Variants in EPHX2 observed in about 807,000 individuals in gnomAD.
The protein encoded by EPHX2 is epoxide hydrolase 2.
Under a neutral mutation model 78.7 loss-of-function variants are expected in EPHX2, and 74 were observed. That is an observed-to-expected ratio of 0.94 (90% CI 0.78 to 1.14). EPHX2 has a LOEUF of 1.14. Among genes scored for constraint, EPHX2 ranks in the 50% most tolerant of loss-of-function variants. EPHX2 has a pLI of 0.00. For synonymous variants in EPHX2, 251 were observed against 255.2 expected, an observed-to-expected ratio of 0.98 and a Z score of 0.16; for missense variants, 715 against 702.5, an observed-to-expected ratio of 1.02 and a Z score of -0.20.
intron 12 of EPHX2, among the ~76,000 whole-genome samples, chr8:27,526,761 T>A (rs1415293738): frequency 1.3e-5 from 2 of 151,916 alleles, no homozygotes; most frequent in Non-Finnish European, 2.9e-5. Context: ...TAAAAAAAAT[T>A]TTTTTTGAGA....
intron 9 of EPHX2, among the ~76,000 whole-genome samples, chr8:27,518,529 A>G (rs571988197): frequency 5.9e-5 from 9 of 152,350 alleles, no homozygotes; most frequent in African/African-American, 2.2e-4. Context: ...CCCTCACTTC[A>G]GTGCTGGCAG....
chr8:27,527,691 G>A (rs1814897021), intron 12 of EPHX2, among the ~76,000 whole-genome samples: 1 of 152,142 alleles, frequency 6.6e-6, no homozygotes, highest in South Asian at 2.1e-4. Flanking sequence ...ATGCTTTCAA[G>A]GTTCACCCAT....
chr8:27,512,348 G>A (rs1201697362), intron 6 of EPHX2, among the ~76,000 whole-genome samples: 1 of 152,196 alleles, frequency 6.6e-6, no homozygotes, highest in Non-Finnish European at 1.5e-5. Flanking sequence ...CTGTGTTGGA[G>A]GAGAGCATGT....
At chr8:27,528,899 G>A (rs527879338) in intron 12 of EPHX2, among the ~76,000 whole-genome samples, 48 of 152,262 alleles carry the variant, frequency 3.2e-4, no homozygotes, top group Non-Finnish European at 4.9e-4. Context: ...AGGTTCAAGC[G>A]ATTCTCCTGC....
At chr8:27,515,640 C>A (rs1443419185) in intron 6 of EPHX2, 78 bp from the exon 7 acceptor site, 4 of 1,205,878 alleles carry the variant, frequency 3.3e-6, no homozygotes, top group Non-Finnish European at 4.8e-6. Flanking sequence ...ACGGCCCTGG[C>A]ATTCTGCAGA....
At chr8:27,542,808 A>T (rs1303921616) in intron 16 of EPHX2, among the ~76,000 whole-genome samples, 1 of 151,876 alleles carries the variant, frequency 6.6e-6, no homozygotes, top group Admixed American at 6.6e-5. Context: ...CACCCAGCGA[A>T]TTTTTTGTGT....
intron 12 of EPHX2, among the ~76,000 whole-genome samples, chr8:27,530,104 T>C (rs1331550709): frequency 6.6e-6 from 1 of 151,282 alleles, no homozygotes; most frequent in Non-Finnish European, 1.5e-5. Flanking sequence ...CAGGCTGGTC[T>C]CTAAGTCCTG....
At chr8:27,531,276 C>T (rs559781983) in intron 12 of EPHX2, among the ~76,000 whole-genome samples, 1 of 152,334 alleles carries the variant, frequency 6.6e-6, no homozygotes, top group East Asian at 1.9e-4. Flanking sequence ...GGCCTCACAG[C>T]TCAGGGCTGT....
chr8:27,501,324 T>TTTCCTCTTCTTCTTC (rs1813761764), intron 2 of EPHX2, among the ~76,000 whole-genome samples: 2 of 102,914 alleles, frequency 1.9e-5, no homozygotes, highest in Admixed American at 1.1e-4. Context: ...TGCTATATAT[T>TTTCCTCTTCTTCTTC]TTCTTCTTCT....
At position 27,544,547 on chromosome 8, in the gene EPHX2, C is replaced by T; in HGVS notation, c.*25C>T. The T allele has an allele frequency of 6.2e-7, 1 of 1,611,992 alleles. No homozygotes were observed. The highest frequency in any genetic ancestry group is 2.2e-5 in the East Asian group (1 of 44,874). On this transcript the variant is annotated 3_prime_UTR_variant, in exon 19 of 19. Coordinates refer to ENST00000521400, the MANE Select transcript of EPHX2 (RefSeq NM_001979.6). ...GAACGCAGCGTGTGCCCACGCTCAGCAGGTGTGCCATCCTTCCACCTGCTG... is the reference window on the plus strand; with the variant it reads ...GAACGCAGCGTGTGCCCACGCTCAGTAGGTGTGCCATCCTTCCACCTGCTG...
intron 13 of EPHX2, among the ~76,000 whole-genome samples, chr8:27,537,200 T>C (rs1039497515): frequency 6.6e-6 from 1 of 152,226 alleles, no homozygotes; most frequent in Non-Finnish European, 1.5e-5. Flanking sequence ...TGCACCCTCC[T>C]GTCTTAGGTG....
intron 1 of EPHX2, among the ~76,000 whole-genome samples, chr8:27,498,840 A>T (rs1241042463): frequency 6.6e-6 from 1 of 152,224 alleles, no homozygotes; most frequent in African/African-American, 2.4e-5. Flanking sequence ...ACTGCAAATC[A>T]TTGAATTGTC....
At chr8:27,514,951 A>G (rs543264150) in intron 6 of EPHX2, among the ~76,000 whole-genome samples, 1 of 152,292 alleles carries the variant, frequency 6.6e-6, no homozygotes, top group East Asian at 1.9e-4. Flanking sequence ...AACAGATTTC[A>G]TATTTAAGAA....
At chr8:27,502,662 CAG>C (rs567318501) in intron 2 of EPHX2, among the ~76,000 whole-genome samples, 132 of 152,186 alleles carry the variant, frequency 8.7e-4, no homozygotes, top group Middle Eastern at 3.4e-3. Flanking sequence ...AGCAGAGAGA[CAG>C]GGGAAAAAAA....
At chr8:27,538,619 C>A (rs1362160558) in intron 13 of EPHX2, 40 bp from the exon 14 acceptor site, 4 of 1,584,530 alleles carry the variant, frequency 2.5e-6, no homozygotes, top group Non-Finnish European at 3.5e-6. Context: ...TTTGTATCAC[C>A]CATGACATCA....
At chr8:27,530,953 G>C (rs1466287551) in intron 12 of EPHX2, among the ~76,000 whole-genome samples, 1 of 151,404 alleles carries the variant, frequency 6.6e-6, no homozygotes, top group Non-Finnish European at 1.5e-5. Flanking sequence ...AGTAGAGATG[G>C]GGTTTCTCCA....
At chr8:27,548,060 G>A (rs899564571), downstream of EPHX2, among the ~76,000 whole-genome samples, 3 of 152,088 alleles carry the variant, frequency 2.0e-5, no homozygotes, top group South Asian at 2.1e-4. Context: ...TGCTGCTCCC[G>A]GGAGGAGGCT....
At chr8:27,511,309 G>A (rs1286890373) in intron 5 of EPHX2, among the ~76,000 whole-genome samples, 1 of 152,192 alleles carries the variant, frequency 6.6e-6, no homozygotes, top group East Asian at 1.9e-4. Flanking sequence ...ACATGAGCCT[G>A]GGCGACCATC....
chr8:27,504,658 A>G (rs774267892), intron 3 of EPHX2, among the ~76,000 whole-genome samples: 1 of 152,196 alleles, frequency 6.6e-6, no homozygotes, highest in Non-Finnish European at 1.5e-5. Flanking sequence ...GTAGAGATCA[A>G]AATGAGCTGA....
Sources: allele counts gnomAD v4.1 joint callset (sites outside exome capture counted in the v4.1 genomes callset), GRCh38; gene constraint gnomAD v4.1.1; transcripts MANE v1.5; gene names NCBI Gene and HGNC (gene_info 2026-07-23, HGNC 2026-07-21).